The following SLK variants were observed in gnomAD, a reference collection of about 807,000 sequenced individuals.
SLK encodes the protein STE20-like serine/threonine-protein kinase.
In SLK, 67 loss-of-function variants were observed where a neutral mutation model predicts 147.7. The ratio of observed to expected loss-of-function variants is 0.45; its 90% CI spans 0.37 to 0.56. The LOEUF (loss-of-function observed/expected upper bound fraction) is 0.56, where lower values mean the gene tolerates loss of function less well. Among genes scored for constraint, SLK ranks in the 20% least tolerant of loss-of-function variants. The pLI is 0.00. For missense variants in SLK, 1,136 were observed against 1,438.8 expected (o/e 0.79, Z 3.41); for synonymous variants, 441 against 475.0 (o/e 0.93, Z 0.93).
At chr10:104,004,290 C>G (rs537906406) in intron 9 of SLK, among the ~76,000 whole-genome samples, 1 of 152,164 alleles carries the variant, frequency 6.6e-6, no homozygotes, top group Non-Finnish European at 1.5e-5. Context: ...GATTTTCTTA[C>G]ATGTATTCCT....
At chr10:104,025,492 A>G in intron 18 of SLK, 82 bp from the exon 19 acceptor site, 1 of 1,343,266 alleles carries the variant, frequency 7.4e-7, no homozygotes, top group East Asian at 2.3e-5. Flanking sequence ...TGTTTTGGAC[A>G]AGTAGTTTTA....
chr10:103,974,719 C>T (rs1410878675), intron 1 of SLK: 3 of 74,590 alleles, frequency 4.0e-5, no homozygotes, highest in Non-Finnish European at 7.5e-5. Context: ...GGCGCGATCT[C>T]GGCTCACTGC....
chr10:103,984,958 T>C (rs1843993427), intron 1 of SLK, among the ~76,000 whole-genome samples: 1 of 152,206 alleles, frequency 6.6e-6, no homozygotes, highest in Non-Finnish European at 1.5e-5. Context: ...CCAAGATTTT[T>C]AATAGATTTT....
chr10:104,019,126 G>T, intron 15 of SLK: 1 of 411,322 alleles, frequency 2.4e-6, no homozygotes. Context: ...TAATTACAAT[G>T]CTTAAAGACG....
intron 1 of SLK, among the ~76,000 whole-genome samples, chr10:103,984,931 T>A (rs1186486209): frequency 6.6e-6 from 1 of 152,216 alleles, no homozygotes; most frequent in African/African-American, 2.4e-5. Flanking sequence ...AGATCAACTC[T>A]TTTGGTCAAG....
intron 13 of SLK, among the ~76,000 whole-genome samples, chr10:104,016,111 G>A (rs1205702816): frequency 2.0e-5 from 3 of 152,088 alleles, no homozygotes; most frequent in Admixed American, 1.3e-4. Flanking sequence ...AAGGTCAGGA[G>A]ATCAAGACCA....
At chr10:103,991,832 G>A (rs552123759) in intron 2 of SLK, among the ~76,000 whole-genome samples, 2 of 152,038 alleles carry the variant, frequency 1.3e-5, no homozygotes, top group South Asian at 4.1e-4. Flanking sequence ...TGAAATTATT[G>A]TTCAGGGCTG....
intron 1 of SLK, among the ~76,000 whole-genome samples, chr10:103,987,108 TA>T (rs1417125045): frequency 6.6e-6 from 1 of 152,234 alleles, no homozygotes; most frequent in African/African-American, 2.4e-5. Flanking sequence ...TTTGTTTTTT[TA>T]AAGTTTTTTA....
At chr10:103,997,374 G>A (rs1006498413) in intron 4 of SLK, among the ~76,000 whole-genome samples, 2 of 152,142 alleles carry the variant, frequency 1.3e-5, no homozygotes, top group Non-Finnish European at 2.9e-5. Flanking sequence ...GAATAATACT[G>A]CTATGAATGT....
chr10:104,013,592 A>G (rs1844425829), intron 13 of SLK, among the ~76,000 whole-genome samples: 1 of 152,210 alleles, frequency 6.6e-6, no homozygotes, highest in Non-Finnish European at 1.5e-5. Context: ...TCATTCAGAT[A>G]TATTCTCACC....
intron 11 of SLK, among the ~76,000 whole-genome samples, chr10:104,007,586 C>A (rs1349015743): frequency 6.9e-6 from 1 of 144,896 alleles, no homozygotes; most frequent in African/African-American, 2.6e-5. Context: ...CCAGCCTGGG[C>A]GACAGAGGGA....
chr10:103,998,245 T>C (rs1844201085), intron 4 of SLK, among the ~76,000 whole-genome samples: 1 of 152,192 alleles, frequency 6.6e-6, no homozygotes, highest in Admixed American at 6.5e-5. Context: ...CTTATTCAAC[T>C]TTGAGAATTG....
chr10:103,977,322 G>A (rs1442327567), intron 1 of SLK, among the ~76,000 whole-genome samples: 1 of 152,122 alleles, frequency 6.6e-6, no homozygotes, highest in Admixed American at 6.5e-5. Flanking sequence ...AATAAAAACT[G>A]TTATCTGGCC....
At position 103,971,561 on chromosome 10, in the gene SLK, T is replaced by G. The variant is rs1470805551; in HGVS notation, c.150+3666T>G. ...TGTTGGGATTAGAGGCATGAGCCAC[T>G]GCCCCTCACCCCCTGCTGGATTTCT... On this transcript the variant is annotated intron_variant, in intron 1 of 18. Coordinates refer to ENST00000369755, the MANE Select transcript of SLK (RefSeq NM_014720.4). Among the ~76,000 whole-genome samples, 20 of 152,306 alleles carry G rather than the reference T, an allele frequency of 1.3e-4. No homozygotes were observed. In the South Asian group the frequency reaches 4.1e-3, roughly 32 times the overall value.
At chr10:104,013,710 C>T (rs1844427387) in intron 13 of SLK, among the ~76,000 whole-genome samples, 1 of 152,178 alleles carries the variant, frequency 6.6e-6, no homozygotes. Flanking sequence ...GGACGTAAGT[C>T]CCACGTGCCT....
At chr10:104,018,133 T>G (rs1339025438) in intron 13 of SLK, 27 bp from the exon 14 acceptor site, 18 of 1,553,960 alleles carry the variant, frequency 1.2e-5, no homozygotes, top group Middle Eastern at 3.4e-4. Flanking sequence ...AGATACTTAT[T>G]AACTGACAAT....
In SLK at chr10:104,002,723, A is replaced by G; in HGVS notation, c.1545A>G (p.Ala515=). The G allele has an allele frequency of 6.2e-7, 1 of 1,613,536 alleles. No homozygotes were observed. The highest frequency in any genetic ancestry group is 8.5e-7 in the Non-Finnish European group (1 of 1,179,832). The change falls in exon 9 of 19, where the codon GCA becomes GCG. Residue 515 remains alanine, a synonymous_variant. Coordinates refer to ENST00000369755, the MANE Select transcript of SLK (RefSeq NM_014720.4). ...ETGEKEANIQ[A]VDSEVGLTKE... ...GAGAAAAAGAGGCAAATATTCAGGC[A>G]GTTGATAGTGAAGTTGGGCTTACAA...
rs1285277499 is a variant in SLK at position 104,026,460 on chromosome 10, G to A, written c.*740G>A. ...TTTTGGAATTTTTGCTTCTCTTACCGTTTGATAGAAATTTTCATCCTAAAA... is the reference window on the plus strand; with the variant it reads ...TTTTGGAATTTTTGCTTCTCTTACCATTTGATAGAAATTTTCATCCTAAAA... On this transcript the variant is annotated 3_prime_UTR_variant, in exon 19 of 19. Coordinates refer to ENST00000369755, the MANE Select transcript of SLK (RefSeq NM_014720.4). The A allele has an allele frequency of 6.6e-6, 1 of 152,194 alleles. No individual in the cohort carries two copies. The highest frequency in any genetic ancestry group is 1.9e-4 in the East Asian group (1 of 5,182). The allele number at this position is 152,194 out of a possible 1,614,324, so 9.4% of individuals were successfully genotyped here.
At chr10:103,968,335 C>T (rs1206676123) in intron 1 of SLK, among the ~76,000 whole-genome samples, 2 of 152,152 alleles carry the variant, frequency 1.3e-5, no homozygotes, top group African/African-American at 2.4e-5. Context: ...GTATCTAGAG[C>T]TAATACAGAA....
Sources: allele counts gnomAD v4.1 joint callset (sites outside exome capture counted in the v4.1 genomes callset), GRCh38; gene constraint gnomAD v4.1.1; transcripts MANE v1.5; gene names NCBI Gene and HGNC (gene_info 2026-07-23, HGNC 2026-07-21).